Variants in APBB1IP observed in about 807,000 individuals in gnomAD.
APBB1IP encodes the protein amyloid beta A4 precursor protein-binding family B member 1-interacting protein.
In APBB1IP, 27 loss-of-function variants were observed where a neutral mutation model predicts 64.9. The observed-to-expected ratio is 0.42, with a 90% CI of 0.31 to 0.57. The LOEUF (loss-of-function observed/expected upper bound fraction) is 0.57. APBB1IP is among the 20% of genes least tolerant of loss of function. The pLI, the probability that APBB1IP is intolerant of heterozygous loss-of-function variation, is 0.20. For synonymous variants in APBB1IP, 392 were observed against 331.0 expected (o/e 1.18, Z -2.00); for missense variants, 812 against 845.5 (o/e 0.96, Z 0.49).
intron 11 of APBB1IP, among the ~76,000 whole-genome samples, chr10:26,553,826 C>G (rs1245143006): frequency 6.6e-6 from 1 of 152,152 alleles, no homozygotes; most frequent in African/African-American, 2.4e-5. Context: ...GTGGCTTTCT[C>G]CAGTCCTCAT....
At chr10:26,472,831 G>T (rs1412244940) in intron 2 of APBB1IP, among the ~76,000 whole-genome samples, 1 of 152,072 alleles carries the variant, frequency 6.6e-6, no homozygotes, top group African/African-American at 2.4e-5. Context: ...CAGCTACTCA[G>T]GAGGGTGAGG....
intron 2 of APBB1IP, among the ~76,000 whole-genome samples, chr10:26,465,556 C>A (rs1251724938): frequency 6.6e-6 from 1 of 151,980 alleles, no homozygotes; most frequent in African/African-American, 2.4e-5. Context: ...AGATACAATG[C>A]TCAAATTCTC....
In APBB1IP at chr10:26,524,955, C is replaced by CTTTCTTTTTTTTTTTTTTTTTTTTTTTT. The variant is rs747655095; in HGVS notation, c.814-8481_814-8480insCTTTTTTTTTTTTTTTTTTTTTTTTTTT. ...TCTTTTTCTTTCTCTTTCTTTCTTT[C>CTTTCTTTTTTTTTTTTTTTTTTTTTTTT]TTTTTTTTTTTTTTTTTTTATAAAA... On this transcript the variant is annotated intron_variant, in intron 8 of 14. Transcript: ENST00000376236. 4.3e-4 allele frequency among the ~76,000 whole-genome samples: 32 copies of CTTTCTTTTTTTTTTTTTTTTTTTTTTTT among 73,956 alleles called. 1 individual carries two copies. Among genetic ancestry groups the CTTTCTTTTTTTTTTTTTTTTTTTTTTTT allele is most frequent in the African/African-American group, 5.1e-4 (11 of 21,734 alleles). 48.5% of individuals were successfully genotyped at this position (73,956 alleles called of 152,430 possible). A position where few individuals can be genotyped will look rare whatever the true frequency, so the allele number is the denominator to read the frequency against.
chr10:26,522,336 C>T (rs1033125442), intron 8 of APBB1IP, among the ~76,000 whole-genome samples: 3 of 152,210 alleles, frequency 2.0e-5, no homozygotes, highest in East Asian at 1.9e-4. Context: ...ACCAGCATGG[C>T]ACATTTGTCA....
At chr10:26,557,468 T>C (rs1836908435) in intron 11 of APBB1IP, among the ~76,000 whole-genome samples, 1 of 152,218 alleles carries the variant, frequency 6.6e-6, no homozygotes, top group Non-Finnish European at 1.5e-5. Context: ...TGAGTAGAGT[T>C]TCCTCAGTTG....
intron 14 of APBB1IP, 114 bp from the exon 15 acceptor site, chr10:26,566,847 C>A: frequency 8.2e-7 from 1 of 1,223,790 alleles, no homozygotes; most frequent in South Asian, 1.5e-5. Context: ...CAGATCGCGC[C>A]ACTGCACTCA....
chr10:26,522,548 T>C (rs1250543689), intron 8 of APBB1IP, among the ~76,000 whole-genome samples: 2 of 152,174 alleles, frequency 1.3e-5, no homozygotes, highest in East Asian at 1.9e-4. Flanking sequence ...TGCTGAAAAG[T>C]CTTTTATTAT....
chr10:26,454,584 G>A (rs1052943095), intron 2 of APBB1IP, among the ~76,000 whole-genome samples: 1 of 152,170 alleles, frequency 6.6e-6, no homozygotes, highest in Non-Finnish European at 1.5e-5. Context: ...GGTAGCTGGG[G>A]TGGGGGAGAT....
intron 2 of APBB1IP, among the ~76,000 whole-genome samples, chr10:26,464,132 G>A (rs1835623584): frequency 6.6e-6 from 1 of 152,030 alleles, no homozygotes; most frequent in Admixed American, 6.6e-5. Context: ...TTTTGCTTTA[G>A]TTACTCAGTA....
At chr10:26,499,302 C>A (rs7914319) in intron 4 of APBB1IP, among the ~76,000 whole-genome samples, 5 of 150,286 alleles carry the variant, frequency 3.3e-5, no homozygotes, top group African/African-American at 1.2e-4. Context: ...GGTGACAAAG[C>A]GAAACTCTGT....
intron 10 of APBB1IP, among the ~76,000 whole-genome samples, chr10:26,536,795 C>T (rs1038967610): frequency 4.1e-5 from 6 of 144,908 alleles, no homozygotes; most frequent in South Asian, 2.1e-4. Flanking sequence ...TTTGTAGAGA[C>T]GGGGTTTCAC....
In APBB1IP at chr10:26,450,690, C is replaced by CTTTTT. The variant is rs10685344; in HGVS notation, c.-1+11849_-1+11853dup. ...CCCCTGCCCTCCTGGAACTCAGATT[C>CTTTTT]TTTTTTTTTTTTTTTTGACACTGAG... is the stretch of plus-strand genomic sequence containing the variant. On this transcript the variant is annotated intron_variant, in intron 2 of 14. Coordinates refer to ENST00000376236, the MANE Select transcript of APBB1IP (RefSeq NM_019043.4). 7.2e-4 allele frequency among the ~76,000 whole-genome samples: 100 copies of CTTTTT among 138,866 alleles called. 1 individual carries two copies. The highest frequency in any genetic ancestry group is 2.6e-3 in the African/African-American group (97 of 37,182). The allele number at this position is 138,866 out of a possible 152,430, so 91.1% of individuals were successfully genotyped here.
intron 2 of APBB1IP, among the ~76,000 whole-genome samples, chr10:26,474,440 C>T (rs1041201074): frequency 5.3e-5 from 8 of 152,274 alleles, no homozygotes; most frequent in South Asian, 2.1e-4. Context: ...TTTTACTAAT[C>T]GCCCAGGAAA....
chr10:26,556,532 AG>A (rs1270566200), intron 11 of APBB1IP, among the ~76,000 whole-genome samples: 1 of 152,206 alleles, frequency 6.6e-6, no homozygotes, highest in Non-Finnish European at 1.5e-5. Flanking sequence ...CCCCATCATC[AG>A]GGGGCTGTTT....
intron 6 of APBB1IP, among the ~76,000 whole-genome samples, chr10:26,511,418 G>A (rs1414669665): frequency 6.6e-6 from 1 of 152,168 alleles, no homozygotes; most frequent in Non-Finnish European, 1.5e-5. Flanking sequence ...GATGGAATGA[G>A]AACAAGGGAA....
At chr10:26,463,163 C>T (rs1337710453) in intron 2 of APBB1IP, among the ~76,000 whole-genome samples, 2 of 152,138 alleles carry the variant, frequency 1.3e-5, no homozygotes, top group African/African-American at 2.4e-5. Flanking sequence ...GAAGGCCAGG[C>T]GTGGTGGCTC....
chr10:26,466,561 G>C (rs1435148305), intron 2 of APBB1IP, among the ~76,000 whole-genome samples: 4 of 152,182 alleles, frequency 2.6e-5, no homozygotes, highest in African/African-American at 9.7e-5. Context: ...AGCACTTTGG[G>C]TGGCCGAGGT....
chr10:26,460,587 T>C (rs370780778), intron 2 of APBB1IP, among the ~76,000 whole-genome samples: 1 of 152,164 alleles, frequency 6.6e-6, no homozygotes, highest in Admixed American at 6.5e-5. Context: ...AAAGAAAATA[T>C]GGTAAATATA....
intron 8 of APBB1IP, among the ~76,000 whole-genome samples, chr10:26,522,603 A>G (rs1157371439): frequency 6.6e-6 from 1 of 152,178 alleles, no homozygotes; most frequent in Non-Finnish European, 1.5e-5. Context: ...TTACAAATTG[A>G]TGGGTGAGCT....
Sources: allele counts gnomAD v4.1 joint callset (sites outside exome capture counted in the v4.1 genomes callset), GRCh38; gene constraint gnomAD v4.1.1; transcripts MANE v1.5; gene names NCBI Gene and HGNC (gene_info 2026-07-23, HGNC 2026-07-21).